SMAD2: variants seen among roughly 807,000 people sequenced by gnomAD.
SMAD2 encodes the protein MAD homolog 2.
In SMAD2, 8 loss-of-function variants were observed where a neutral mutation model predicts 64.4. The observed-to-expected ratio is 0.12, with a 90% CI of 0.07 to 0.22. SMAD2 has a LOEUF of 0.22. SMAD2 is among the 10% of genes least tolerant of loss of function. SMAD2 has a pLI of 1.00. For missense variants in SMAD2, 289 were observed against 561.2 expected (o/e 0.51, Z 4.90); for synonymous variants, 203 against 195.8 (o/e 1.04, Z -0.31).
chr18:47,869,549 C>A, intron 3 of SMAD2, 113 bp from the exon 4 acceptor site: 1 of 768,718 alleles, frequency 1.3e-6, no homozygotes, highest in South Asian at 1.6e-5. Context: ...GAATGACAGC[C>A]ATTTAGTTAG....
In SMAD2 at chr18:47,820,388, GAA is replaced by G. The variant is rs1157056569; in HGVS notation, c.*21437_*21438del. On this transcript the variant is annotated 3_prime_UTR_variant, in exon 11 of 11. Transcript: ENST00000262160. ...TACCCAAAAAAAGATGTTTTGATGA[GAA>G]AAGTTATAAGGCATAAAAATTGCTT... The G allele has an allele frequency of 6.6e-6, 1 of 152,068 alleles. No individual in the cohort carries two copies. Among genetic ancestry groups the G allele is most frequent in the African/African-American group, 2.4e-5 (1 of 41,406 alleles). The allele number at this position is 152,068 out of a possible 1,614,324, so 9.4% of individuals were successfully genotyped here.
chr18:47,912,469 G>A (rs1327529115), intron 1 of SMAD2: 2 of 152,232 alleles, frequency 1.3e-5, no homozygotes, highest in Non-Finnish European at 2.9e-5. Context: ...TTTTATACAT[G>A]CCTTTATGTA....
intron 1 of SMAD2, among the ~76,000 whole-genome samples, chr18:47,919,346 T>C (rs1050501148): frequency 2.0e-5 from 3 of 151,278 alleles, no homozygotes; most frequent in African/African-American, 7.3e-5. Flanking sequence ...AAGGAGATAC[T>C]AGTAAAACAA....
intron 1 of SMAD2, among the ~76,000 whole-genome samples, chr18:47,913,027 C>T (rs2144520224): frequency 6.6e-6 from 1 of 152,136 alleles, no homozygotes; most frequent in African/African-American, 2.4e-5. Flanking sequence ...TCAAGCAGTT[C>T]TCCTGCCTCA....
intron 6 of SMAD2, among the ~76,000 whole-genome samples, chr18:47,855,188 C>T (rs559656882): frequency 3.3e-5 from 5 of 152,236 alleles, no homozygotes; most frequent in Admixed American, 1.3e-4. Flanking sequence ...AACACTGTAA[C>T]GAAATGACAT....
intron 1 of SMAD2, among the ~76,000 whole-genome samples, chr18:47,897,558 CAACT>C (rs942548560): frequency 3.3e-5 from 5 of 152,174 alleles, no homozygotes; most frequent in South Asian, 2.1e-4. Context: ...TGTATACATA[CAACT>C]AACCACATTC....
chr18:47,899,952 T>A (rs750541504), intron 1 of SMAD2, among the ~76,000 whole-genome samples: 2 of 152,250 alleles, frequency 1.3e-5, no homozygotes, highest in Middle Eastern at 6.8e-3. Context: ...CTGAAGCCAA[T>A]TGGCCAGGTT....
chr18:47,904,553 G>A (rs543107145), intron 1 of SMAD2, among the ~76,000 whole-genome samples: 1 of 152,082 alleles, frequency 6.6e-6, no homozygotes, highest in South Asian at 2.1e-4. Flanking sequence ...CTGAAAAAGG[G>A]ACAACAAGCC....
In SMAD2 at chr18:47,814,503, TC is replaced by T. The variant is rs1161997892; in HGVS notation, c.*27323del. 6.6e-6 allele frequency: 1 copy of T among 152,202 alleles called. No individual in the cohort carries two copies. Among genetic ancestry groups the T allele is most frequent in the Non-Finnish European group, 1.5e-5 (1 of 68,044 alleles). 9.4% of individuals were successfully genotyped at this position (152,202 alleles called of 1,614,324 possible). ...AGAATACGATGTGAGAAGAGTCTCT[TC>T]ATTAGGCAGGAGTGGAATGACTCCC... On this transcript the variant is annotated 3_prime_UTR_variant, in exon 11 of 11. Coordinates refer to ENST00000262160, the MANE Select transcript of SMAD2 (RefSeq NM_005901.6).
rs891498036 is a variant in SMAD2 at position 47,834,703 on chromosome 18, T to C, written c.*7124A>G. On this transcript the variant is annotated 3_prime_UTR_variant, in exon 11 of 11. Transcript: ENST00000262160. ...TAATCAAGCAAATTAGTGAGCAGTG[T>C]ATAAAAGCTCACTCTTGAAATCTGT... is the stretch of plus-strand genomic sequence containing the variant. 1.4e-5 allele frequency: 3 copies of C among 220,752 alleles called. No individual in the cohort carries two copies. In the East Asian group the frequency reaches 2.0e-4, roughly 15 times the overall value. The allele number at this position is 220,752 out of a possible 1,614,324, so 13.7% of individuals were successfully genotyped here.
intron 1 of SMAD2, among the ~76,000 whole-genome samples, chr18:47,909,634 T>C (rs148492834): frequency 2.0e-5 from 3 of 152,302 alleles, no homozygotes; most frequent in African/African-American, 7.2e-5. Context: ...CCCTTCTCTA[T>C]AAAGCTGCTG....
chr18:47,897,633 T>TTATTTA (rs1181940576), intron 1 of SMAD2, among the ~76,000 whole-genome samples: 3 of 152,122 alleles, frequency 2.0e-5, no homozygotes, highest in Non-Finnish European at 4.4e-5. Flanking sequence ...TTGAAATTAT[T>TTATTTA]TTTTTATTTT....
intron 1 of SMAD2, among the ~76,000 whole-genome samples, chr18:47,899,499 T>C (rs547502643): frequency 2.0e-5 from 3 of 152,278 alleles, no homozygotes; most frequent in Admixed American, 6.5e-5. Flanking sequence ...GGACAATTTA[T>C]AGCAACACAA....
intron 7 of SMAD2, among the ~76,000 whole-genome samples, chr18:47,849,442 G>T (rs943635812): frequency 6.6e-6 from 1 of 151,280 alleles, no homozygotes; most frequent in Non-Finnish European, 1.5e-5. Context: ...TTGTGAAATA[G>T]GGTAAAATGA....
At position 47,824,213 on chromosome 18, in the gene SMAD2, A is replaced by C. The variant is rs1362012846; in HGVS notation, c.*17614T>G. ...GGGAAAGGTGAAAGCTGTCAGAATC[A>C]AGAGTCATGTTTCCAAAAGCCCTGA... On this transcript the variant is annotated 3_prime_UTR_variant, in exon 11 of 11. Coordinates refer to ENST00000262160, the MANE Select transcript of SMAD2 (RefSeq NM_005901.6). 3 of 152,280 alleles carry C rather than the reference A, an allele frequency of 2.0e-5. No homozygotes were observed. The highest frequency in any genetic ancestry group is 4.8e-5 in the African/African-American group (2 of 41,468). The allele number at this position is 152,280 out of a possible 1,614,324, so 9.4% of individuals were successfully genotyped here.
At position 47,832,685 on chromosome 18, in the gene SMAD2, T is replaced by G. The variant is rs976785433; in HGVS notation, c.*9142A>C. ...TTATATCTTATCTAGTATTTTTCAA[T>G]GGAGCCTTAAAAATGTTATTTTGTT... On this transcript the variant is annotated 3_prime_UTR_variant, in exon 11 of 11. Transcript: ENST00000262160. The G allele has an allele frequency of 3.3e-5, 5 of 152,176 alleles. No homozygotes were observed. Among genetic ancestry groups the G allele is most frequent in the Non-Finnish European group, 5.9e-5 (4 of 68,022 alleles). The allele number at this position is 152,176 out of a possible 1,614,324, so 9.4% of individuals were successfully genotyped here.
At chr18:47,897,361 T>G (rs1301295956) in intron 1 of SMAD2, among the ~76,000 whole-genome samples, 1 of 134,060 alleles carries the variant, frequency 7.5e-6, no homozygotes, top group Non-Finnish European at 1.6e-5. Context: ...CGGTTTCACC[T>G]GCTCTTGAGA....
Position 47,832,259 on chromosome 18 carries a change from CT to C in SMAD2, c.*9567del, listed in dbSNP as rs1244263242. On this transcript the variant is annotated 3_prime_UTR_variant, in exon 11 of 11. Coordinates refer to ENST00000262160, the MANE Select transcript of SMAD2 (RefSeq NM_005901.6). ...TACAGAACAGTGTCACTACTTCAAG[CT>C]AAGCAGTGACAGGCAAAGCCAGGCT... 6.6e-6 allele frequency: 1 copy of C among 152,172 alleles called. No homozygotes were observed. Among genetic ancestry groups the C allele is most frequent in the Non-Finnish European group, 1.5e-5 (1 of 68,032 alleles). The allele number at this position is 152,172 out of a possible 1,614,324, so 9.4% of individuals were successfully genotyped here. A position where few individuals can be genotyped will look rare whatever the true frequency, so the allele number is the denominator to read the frequency against.
At chr18:47,917,971 T>TTG (rs1240898892) in intron 1 of SMAD2, among the ~76,000 whole-genome samples, 1 of 152,148 alleles carries the variant, frequency 6.6e-6, no homozygotes, top group Non-Finnish European at 1.5e-5. Context: ...GATCAGAAAC[T>TTG]ACTAACTCTA....
Sources: gnomAD v4.1 joint callset for allele counts (sites outside exome capture counted in the v4.1 genomes callset) on GRCh38, gnomAD v4.1.1 for gene constraint, MANE v1.5 for transcripts, NCBI Gene and HGNC (gene_info 2026-07-23, HGNC 2026-07-21) for gene names.